CAMTA1: variants seen among roughly 807,000 people sequenced by gnomAD.
CAMTA1 encodes the protein calmodulin-binding transcription activator 1.
A neutral mutation model predicts 170.9 loss-of-function variants in CAMTA1; 27 were observed. That is an observed-to-expected ratio of 0.16 (90% CI 0.12 to 0.22). The LOEUF is 0.22. Among genes scored for constraint, CAMTA1 ranks in the 10% least tolerant of loss-of-function variants. The pLI is 1.00. For synonymous variants in CAMTA1, 833 were observed against 891.5 expected, an observed-to-expected ratio of 0.93 and a Z score of 1.17; for missense variants, 1,619 against 2,217.2, an observed-to-expected ratio of 0.73 and a Z score of 5.42.
intron 4 of CAMTA1, among the ~76,000 whole-genome samples, chr1:7,175,232 TC>T (rs946838503): frequency 4.6e-5 from 7 of 150,834 alleles, no homozygotes; most frequent in African/African-American, 1.7e-4. Flanking sequence ...ATAGACAGGG[TC>T]GTTGACATCT....
At chr1:6,937,068 T>C (rs1397655804) in intron 3 of CAMTA1, among the ~76,000 whole-genome samples, 1 of 151,794 alleles carries the variant, frequency 6.6e-6, no homozygotes, top group East Asian at 1.9e-4. Flanking sequence ...ATCACCATCA[T>C]AACCATCACT....
At chr1:6,996,005 G>A (rs1697196493) in intron 3 of CAMTA1, among the ~76,000 whole-genome samples, 1 of 152,234 alleles carries the variant, frequency 6.6e-6, no homozygotes, top group Non-Finnish European at 1.5e-5. Flanking sequence ...GGAGGCGGGT[G>A]TGGCGTGGGC....
intron 3 of CAMTA1, among the ~76,000 whole-genome samples, chr1:6,892,868 C>A (rs1304080058): frequency 1.3e-5 from 2 of 151,608 alleles, no homozygotes; most frequent in Non-Finnish European, 2.9e-5. Flanking sequence ...TGTTTTAAAT[C>A]AACAATAGAG....
chr1:7,470,311 G>T (rs1399899682), intron 6 of CAMTA1, among the ~76,000 whole-genome samples: 2 of 152,252 alleles, frequency 1.3e-5, no homozygotes, highest in African/African-American at 4.8e-5. Context: ...CTATGTGGCA[G>T]CCGGTGCCGC....
chr1:7,152,618 A>G (rs545607391), intron 4 of CAMTA1, among the ~76,000 whole-genome samples: 10 of 152,210 alleles, frequency 6.6e-5, no homozygotes, highest in Non-Finnish European at 1.2e-4. Context: ...GTGCCTCCTC[A>G]GGGAGAAGGG....
At chr1:7,473,862 C>T (rs1219635477) in intron 6 of CAMTA1, among the ~76,000 whole-genome samples, 3 of 152,234 alleles carry the variant, frequency 2.0e-5, no homozygotes, top group Admixed American at 6.5e-5. Context: ...CTGTGGAACG[C>T]GATGGCCTCT....
chr1:7,414,544 G>A lies in CAMTA1; in HGVS notation c.439-53286G>A, dbSNP rs368694252. On this transcript the variant is annotated intron_variant, in intron 5 of 22. Coordinates refer to ENST00000303635, the MANE Select transcript of CAMTA1 (RefSeq NM_015215.4). ...CTTCTAGATTTTCTAGTTTATTTGC[G>A]TAGAGGTGTTTGTAGTATTCTCTGA... 5.9e-5 allele frequency among the ~76,000 whole-genome samples: 9 copies of A among 152,178 alleles called. No individual in the cohort carries two copies. In the East Asian group the frequency reaches 9.7e-4, roughly 16 times the overall value.
intron 5 of CAMTA1, among the ~76,000 whole-genome samples, chr1:7,370,453 G>A (rs957789747): frequency 1.3e-5 from 2 of 152,106 alleles, no homozygotes; most frequent in African/African-American, 4.8e-5. Context: ...TGAACCCAAG[G>A]GTTTTAAAAT....
intron 20 of CAMTA1, 76 bp downstream of exon 20, chr1:7,751,468 G>A: frequency 2.3e-6 from 3 of 1,327,766 alleles, no homozygotes; most frequent in Non-Finnish European, 2.0e-6. Flanking sequence ...ACTTGTCCTG[G>A]GCTGACATTG....
intron 4 of CAMTA1, among the ~76,000 whole-genome samples, chr1:7,200,547 T>A (rs1411999229): frequency 1.3e-5 from 2 of 152,252 alleles, no homozygotes; most frequent in Non-Finnish European, 2.9e-5. Context: ...GCCGTCTTTC[T>A]TTTTCTTTCT....
chr1:6,914,155 A>C (rs1571659373), intron 3 of CAMTA1, among the ~76,000 whole-genome samples: 1 of 128,192 alleles, frequency 7.8e-6, no homozygotes. Context: ...CCCAGGCTGG[A>C]GTGCAACGGC....
At chr1:7,337,644 A>G (rs1047638840) in intron 5 of CAMTA1, among the ~76,000 whole-genome samples, 6 of 151,694 alleles carry the variant, frequency 4.0e-5, no homozygotes, top group African/African-American at 1.5e-4. Context: ...ATCCAATCAC[A>G]ATGTGGGCGG....
chr1:7,031,611 T>C (rs1056428047), intron 3 of CAMTA1, among the ~76,000 whole-genome samples: 1 of 152,030 alleles, frequency 6.6e-6, no homozygotes, highest in Admixed American at 6.6e-5. Flanking sequence ...GCAATCTTGG[T>C]TCACTGCAAC....
chr1:7,276,379 G>A (rs59455940), intron 5 of CAMTA1, among the ~76,000 whole-genome samples: 8 of 143,526 alleles, frequency 5.6e-5, no homozygotes, highest in African/African-American at 2.1e-4. Flanking sequence ...GTGTGACGTC[G>A]CCTCACTGCA....
chr1:6,862,411 T>G (rs147139238), intron 3 of CAMTA1, among the ~76,000 whole-genome samples: 250 of 152,370 alleles, frequency 1.6e-3, no homozygotes, highest in African/African-American at 5.8e-3. Flanking sequence ...TTTGTTGATT[T>G]GTTCATCCAT....
rs368180077 is a variant in CAMTA1, at chr1:7,423,165, C to T, written c.439-44665C>T. Among the ~76,000 whole-genome samples the T allele has an allele frequency of 4.8e-3, 735 of 152,296 alleles. 1 individual carries two copies. Among genetic ancestry groups the T allele is most frequent in the South Asian group, 0.012 (58 of 4,830 alleles). Reference sequence around the variant, plus strand: ...GCCTGGCCCCGGGCCAAGCCTTCCTCAATGGTTTAGAAGCAGTGCACAGGG... The same window carrying T: ...GCCTGGCCCCGGGCCAAGCCTTCCTTAATGGTTTAGAAGCAGTGCACAGGG... On this transcript the variant is annotated intron_variant, in intron 5 of 22. Transcript: ENST00000303635.
chr1:7,188,487 T>C (rs1653896921), intron 4 of CAMTA1, among the ~76,000 whole-genome samples: 1 of 152,158 alleles, frequency 6.6e-6, no homozygotes, highest in Non-Finnish European at 1.5e-5. Context: ...CCCCTAACCC[T>C]GGTAACTATT....
intron 3 of CAMTA1, among the ~76,000 whole-genome samples, chr1:7,086,832 G>T (rs1640809661): frequency 6.6e-6 from 1 of 152,186 alleles, no homozygotes; most frequent in Non-Finnish European, 1.5e-5. Flanking sequence ...GATACTTGGG[G>T]TAGGTCCACC....
intron 19 of CAMTA1, 101 bp from the exon 20 acceptor site, chr1:7,751,098 G>A: frequency 1.0e-6 from 1 of 966,064 alleles, no homozygotes; most frequent in Non-Finnish European, 1.6e-6. Flanking sequence ...TAATAGAGGG[G>A]AAAAGCATTT....
Sources: gnomAD v4.1 joint callset for allele counts (sites outside exome capture counted in the v4.1 genomes callset) on GRCh38, gnomAD v4.1.1 for gene constraint, MANE v1.5 for transcripts, NCBI Gene and HGNC (gene_info 2026-07-23, HGNC 2026-07-21) for gene names.